Variants in COLEC10 observed in about 807,000 individuals in gnomAD.
COLEC10 encodes collectin-10.
COLEC10 carries 22 observed loss-of-function variants against 28.4 expected under a neutral mutation model. The observed-to-expected ratio is 0.78, with a 90% confidence interval of 0.55 to 1.11. The LOEUF (loss-of-function observed/expected upper bound fraction) is 1.11. COLEC10 is among the 50% of genes least tolerant of loss of function. The probability of loss-of-function intolerance (pLI) is 0.00; values close to 1 mark genes in which losing one functional copy is unlikely to be tolerated. For missense variants in COLEC10, 361 were observed against 344.1 expected (o/e 1.05, Z -0.39); for synonymous variants, 125 against 116.1 (o/e 1.08, Z -0.49).
At chr8:118,955,408 C>T in the COLEC10 span, among the ~76,000 whole-genome samples, 1 of 152,284 alleles carries the variant, frequency 6.6e-6, no homozygotes, top group Non-Finnish European at 1.5e-5. Flanking sequence ...CTGATGAGGT[C>T]ACCAGTTGTT....
chr8:119,074,017 T>C (rs992081412), intron 1 of COLEC10, among the ~76,000 whole-genome samples: 1 of 151,848 alleles, frequency 6.6e-6, no homozygotes, highest in African/African-American at 2.4e-5. Context: ...CGTGTATATA[T>C]ATAGTTTTGA....
intron 2 of COLEC10, among the ~76,000 whole-genome samples, chr8:119,036,568 A>G (rs1814393011): frequency 1.3e-5 from 2 of 152,196 alleles, no homozygotes; most frequent in Non-Finnish European, 2.9e-5. Context: ...TATTACATCT[A>G]TCTGTGTACC....
chr8:118,962,826 G>A, the COLEC10 span, among the ~76,000 whole-genome samples: 1 of 152,128 alleles, frequency 6.6e-6, no homozygotes, highest in Non-Finnish European at 1.5e-5. Flanking sequence ...TTATGATTTT[G>A]ACTATTATAG....
chr8:119,014,148 C>G (rs1040404604), intron 2 of COLEC10, among the ~76,000 whole-genome samples: 1 of 150,668 alleles, frequency 6.6e-6, no homozygotes, highest in Non-Finnish European at 1.5e-5. Flanking sequence ...TTTATCCTCA[C>G]TTATTCTTTT....
the COLEC10 span, among the ~76,000 whole-genome samples, chr8:118,976,307 T>C: frequency 6.6e-6 from 1 of 152,100 alleles, no homozygotes; most frequent in Non-Finnish European, 1.5e-5. Flanking sequence ...TAACTCTTTC[T>C]AAGCCTGCAT....
chr8:119,098,503 C>A (rs1027857562), intron 3 of COLEC10, among the ~76,000 whole-genome samples: 3 of 151,990 alleles, frequency 2.0e-5, no homozygotes, highest in African/African-American at 7.2e-5. Flanking sequence ...CCCTCATAGA[C>A]CTGAACTTCT....
At chr8:119,076,001 T>G (rs1298875571) in intron 1 of COLEC10, among the ~76,000 whole-genome samples, 2 of 145,554 alleles carry the variant, frequency 1.4e-5, no homozygotes, top group African/African-American at 2.5e-5. Flanking sequence ...CCTGGGTTCA[T>G]GCCATTCTCC....
intron 2 of COLEC10, among the ~76,000 whole-genome samples, chr8:119,026,099 G>T (rs186816275): frequency 6.6e-6 from 1 of 152,206 alleles, no homozygotes; most frequent in East Asian, 1.9e-4. Context: ...CATTTTCTCA[G>T]TTCTTTTCAT....
chr8:119,079,351 G>A (rs550787447), intron 1 of COLEC10, among the ~76,000 whole-genome samples: 3 of 152,256 alleles, frequency 2.0e-5, no homozygotes, highest in Non-Finnish European at 2.9e-5. Context: ...GGTTGCTAAA[G>A]TCCCATACCC....
chr8:119,091,059 T>A, intron 2 of COLEC10, 90 bp from the exon 3 acceptor site: 1 of 963,120 alleles, frequency 1.0e-6, no homozygotes, highest in Non-Finnish European at 1.7e-6. Context: ...AATATACTTG[T>A]TGGTATTTCT....
At chr8:119,047,711 A>G (rs1344114467) in intron 2 of COLEC10, among the ~76,000 whole-genome samples, 1 of 152,212 alleles carries the variant, frequency 6.6e-6, no homozygotes, top group Non-Finnish European at 1.5e-5. Flanking sequence ...TAATAAAGCA[A>G]ATAAATGGAA....
At chr8:118,997,595 T>C (rs1813611400) in intron 1 of COLEC10, among the ~76,000 whole-genome samples, 1 of 152,220 alleles carries the variant, frequency 6.6e-6, no homozygotes, top group Admixed American at 6.5e-5. Context: ...TCAAGTGACA[T>C]AGCAAAATTG....
At chr8:119,091,015 G>T in intron 2 of COLEC10, 134 bp from the exon 3 acceptor site, 1 of 707,144 alleles carries the variant, frequency 1.4e-6, no homozygotes. Flanking sequence ...AGACAATATA[G>T]CATGGGATAT....
chr8:119,079,588 TAC>T (rs1317465114), intron 1 of COLEC10, among the ~76,000 whole-genome samples: 1 of 152,116 alleles, frequency 6.6e-6, no homozygotes. Context: ...TTTCATTAAG[TAC>T]AGTGTTAGTT....
chr8:119,005,770 G>A (rs1285120375), intron 1 of COLEC10, among the ~76,000 whole-genome samples: 1 of 152,118 alleles, frequency 6.6e-6, no homozygotes, highest in Admixed American at 6.6e-5. Context: ...AAATTTGGTG[G>A]TGATAATCTT....
chr8:119,102,407 A>G lies in COLEC10; in HGVS notation c.346+6A>G. On this transcript the variant is annotated splice_donor_region_variant and intron_variant, in intron 4 of 5. Transcript: ENST00000332843. Reference sequence around the variant, plus strand: ...TGGAGAAAAAGGCAAAGCAGGTACGATATGTTCAATGTTCTCTTTGATTTC... The same window carrying G: ...TGGAGAAAAAGGCAAAGCAGGTACGGTATGTTCAATGTTCTCTTTGATTTC... The G allele has an allele frequency of 1.9e-6, 3 of 1,604,648 alleles. No individual in the cohort carries two copies. The highest frequency in any genetic ancestry group is 2.2e-5 in the South Asian group (2 of 89,664).
chr8:119,019,626 G>A (rs1409684220), intron 2 of COLEC10, among the ~76,000 whole-genome samples: 3 of 152,044 alleles, frequency 2.0e-5, no homozygotes, highest in African/African-American at 7.2e-5. Context: ...GACCAGGTAA[G>A]AGGCCTCTGC....
the COLEC10 span, among the ~76,000 whole-genome samples, chr8:118,956,176 T>G: frequency 6.6e-6 from 1 of 152,120 alleles, no homozygotes; most frequent in Non-Finnish European, 1.5e-5. Flanking sequence ...CTAATCGTAT[T>G]TGTTAAGACT....
chr8:118,964,615 A>G, the COLEC10 span, among the ~76,000 whole-genome samples: 3 of 152,214 alleles, frequency 2.0e-5, no homozygotes, highest in Non-Finnish European at 4.4e-5. Flanking sequence ...GAAAAGGGAA[A>G]GATATGACCT....
Sources: allele counts gnomAD v4.1 joint callset (sites outside exome capture counted in the v4.1 genomes callset), GRCh38; gene constraint gnomAD v4.1.1; transcripts MANE v1.5; gene names NCBI Gene and HGNC (gene_info 2026-07-23, HGNC 2026-07-21).